Variants in COG3 observed in about 807,000 individuals in gnomAD.
The protein encoded by COG3 is conserved oligomeric Golgi complex subunit 3.
In COG3, 32 loss-of-function variants were observed where a neutral mutation model predicts 114.1. That is an observed-to-expected ratio of 0.28 (90% CI 0.21 to 0.38). The LOEUF is 0.38. Ranked by LOEUF, COG3 falls within the 10% of genes least tolerant of loss-of-function variation. The pLI is 1.00. For synonymous variants in COG3, 352 were observed against 365.7 expected (o/e 0.96, Z 0.43); for missense variants, 813 against 973.2 (o/e 0.84, Z 2.19).
At chr13:45,503,385 A>G (rs1165989822) in intron 14 of COG3, 36 bp downstream of exon 14, 1 of 1,148,728 alleles carries the variant, frequency 8.7e-7, no homozygotes, top group Non-Finnish European at 1.3e-6. Flanking sequence ...GCATTTATTC[A>G]TTTGGGTTAA....
At chr13:45,496,030 TCA>T in intron 12 of COG3, 120 bp from the exon 13 acceptor site, 1 of 818,284 alleles carries the variant, frequency 1.2e-6, no homozygotes, top group East Asian at 2.8e-5. Context: ...TAGAATACAA[TCA>T]CAGCCTCTGA....
rs1352468701 is a variant in COG3, at chr13:45,508,403, T to TATAC, written c.1595-1288_1595-1287insTACA. 7.0e-3 allele frequency among the ~76,000 whole-genome samples: 925 copies of TATAC among 132,980 alleles called. 6 individuals are homozygous for TATAC. The highest frequency in any genetic ancestry group is 0.013 in the Admixed American group (181 of 13,922). 87.2% of individuals were successfully genotyped at this position (132,980 alleles called of 152,430 possible). ...ATATATTTTTATATATATATATATA[T>TATAC]ACACACACACACACACACACACATA... On this transcript the variant is annotated intron_variant, in intron 14 of 22. Coordinates refer to ENST00000349995, the MANE Select transcript of COG3 (RefSeq NM_031431.4).
In COG3 at chr13:45,530,738, C is replaced by G. The variant is rs765952388; in HGVS notation, c.2415C>G (p.Ser805Arg). The change falls in exon 22 of 23, where the codon AGC (serine) becomes AGG (arginine). Residue 805 changes from serine (S) to arginine (R), a missense_variant. Transcript: ENST00000349995. ...KFHALLKEEFSPEDIQIIACP... is the reference protein window; with the variant it reads ...KFHALLKEEFRPEDIQIIACP... The stretch of plus-strand genomic sequence containing the variant: ...ACGCTCTGTTAAAGGAAGAGTTCAG[C>G]CCTGAAGACATCCAGATCATTGCCT... 6.2e-7 allele frequency: 1 copy of G among 1,613,254 alleles called. No homozygotes were observed. The highest frequency in any genetic ancestry group is 1.1e-5 in the South Asian group (1 of 91,050).
intron 22 of COG3, among the ~76,000 whole-genome samples, chr13:45,533,549 C>G (rs779199969): frequency 1.3e-5 from 2 of 152,190 alleles, no homozygotes; most frequent in African/African-American, 2.4e-5. Flanking sequence ...AGGAAATTCT[C>G]TCACTACTCC....
intron 20 of COG3, among the ~76,000 whole-genome samples, chr13:45,526,758 T>C (rs1242269086): frequency 6.6e-6 from 1 of 152,220 alleles, no homozygotes; most frequent in Non-Finnish European, 1.5e-5. Flanking sequence ...AATACAGTAG[T>C]ACATTCTGTC....
Position 45,480,209 on chromosome 13 carries a change from G to A in COG3, c.468G>A (p.Glu156=). The A allele has an allele frequency of 6.2e-7, 1 of 1,613,706 alleles. No individual in the cohort carries two copies. Among genetic ancestry groups the A allele is most frequent in the Non-Finnish European group, 8.5e-7 (1 of 1,179,638 alleles). Residue 156 remains glutamate (E), a synonymous_variant, in exon 4 of 23, where the codon GAG becomes GAA. Coordinates refer to ENST00000349995, the MANE Select transcript of COG3 (RefSeq NM_031431.4). ...TAAACAGTGCTCTTCAGCATCTGGA[G>A]TCTTTGCAGAAACAGTATCTTTTTG... ...NDVNSALQHL[E]SLQKQYLFVS...
rs191261685 is a variant in COG3, at chr13:45,473,965, A to G, written c.175-2236A>G. Among the ~76,000 whole-genome samples, 157 of 152,318 alleles carry G rather than the reference A, an allele frequency of 1.0e-3. 1 individual carries two copies. Among genetic ancestry groups the G allele is most frequent in the African/African-American group, 3.6e-3 (149 of 41,552 alleles). ...TCAGGGATTGTGTTACCATTCAGAA[A>G]GAGTTTACATGAACAAGTGATGCCC... is the stretch of plus-strand genomic sequence containing the variant. On this transcript the variant is annotated intron_variant, in intron 1 of 22. Coordinates refer to ENST00000349995, the MANE Select transcript of COG3 (RefSeq NM_031431.4).
intron 10 of COG3, 63 bp downstream of exon 10, chr13:45,491,601 GA>G (rs1420618512): frequency 4.8e-5 from 72 of 1,493,544 alleles, no homozygotes; most frequent in Non-Finnish European, 4.6e-5. Flanking sequence ...TGATATCCTA[GA>G]AACTATACCT....
chr13:45,507,295 A>G (rs1454861424), intron 14 of COG3, among the ~76,000 whole-genome samples: 1 of 152,214 alleles, frequency 6.6e-6, no homozygotes, highest in Non-Finnish European at 1.5e-5. Flanking sequence ...TCTTTGATGT[A>G]ATTTGTTTAT....
intron 14 of COG3, among the ~76,000 whole-genome samples, chr13:45,506,995 C>T (rs1455680557): frequency 2.0e-5 from 3 of 152,170 alleles, no homozygotes; most frequent in African/African-American, 4.8e-5. Flanking sequence ...CGGAGGCAGA[C>T]GTGCAGGAGG....
intron 22 of COG3, among the ~76,000 whole-genome samples, chr13:45,531,576 C>T (rs577127838): frequency 3.3e-4 from 49 of 149,708 alleles, no homozygotes; most frequent in African/African-American, 1.0e-3. Flanking sequence ...GGTGTGATCT[C>T]GGCTCACTGC....
chr13:45,534,774 A>C lies in COG3; in HGVS notation c.*43A>C. The C allele has an allele frequency of 6.5e-7, 1 of 1,539,804 alleles. No homozygotes were observed. The highest frequency in any genetic ancestry group is 8.7e-7 in the Non-Finnish European group (1 of 1,143,006). On this transcript the variant is annotated 3_prime_UTR_variant, in exon 23 of 23. Coordinates refer to ENST00000349995, the MANE Select transcript of COG3 (RefSeq NM_031431.4). ...TGCACCTAAATGTCTGTCTGGGAGG[A>C]GCAGGCTGAGAAGTCTTGCAGTCTG... is the stretch of plus-strand genomic sequence containing the variant.
chr13:45,529,108 T>G (rs1473584941), intron 20 of COG3, among the ~76,000 whole-genome samples: 3 of 152,186 alleles, frequency 2.0e-5, no homozygotes, highest in Non-Finnish European at 4.4e-5. Flanking sequence ...CTGCTTTCAT[T>G]TACATTTATT....
rs778556780 is a variant in COG3, at chr13:45,509,792, C to T, written c.1695C>T (p.Leu565=). ...YPTVRRTLVC[L]SKLYRCIDRA... ...CGGTTCGAAGAACTCTTGTCTGTCTCTCCAAATTATACAGATGCATAGATG... is the reference window on the plus strand; with the variant it reads ...CGGTTCGAAGAACTCTTGTCTGTCTTTCCAAATTATACAGATGCATAGATG... Residue 565 remains leucine (L), a synonymous_variant, in exon 15 of 23, where the codon CTC becomes CTT. Coordinates refer to ENST00000349995, the MANE Select transcript of COG3 (RefSeq NM_031431.4). The T allele has an allele frequency of 5.6e-6, 9 of 1,613,456 alleles. No individual in the cohort carries two copies. The highest frequency in any genetic ancestry group is 7.6e-6 in the Non-Finnish European group (9 of 1,179,558).
At chr13:45,524,934 T>C (rs369122917) in intron 19 of COG3, 42 bp from the exon 20 acceptor site, 7 of 1,497,794 alleles carry the variant, frequency 4.7e-6, no homozygotes, top group Non-Finnish European at 4.6e-6. Flanking sequence ...TAATTTGTCA[T>C]TGATGAAATG....
chr13:45,491,359 A>C, intron 9 of COG3, 53 bp from the exon 10 acceptor site: 1 of 1,568,362 alleles, frequency 6.4e-7, no homozygotes, highest in South Asian at 1.2e-5. Context: ...TTAAGATGAA[A>C]TTTAGTTTAC....
At chr13:45,518,628 A>G (rs1028222557) in intron 17 of COG3, 134 bp from the exon 18 acceptor site, 12 of 639,060 alleles carry the variant, frequency 1.9e-5, no homozygotes, top group Non-Finnish European at 3.3e-5. Context: ...TCTCACTCTC[A>G]GCCTTTCATG....
intron 13 of COG3, among the ~76,000 whole-genome samples, chr13:45,501,360 T>C (rs1433085349): frequency 1.3e-5 from 2 of 152,264 alleles, no homozygotes; most frequent in Non-Finnish European, 2.9e-5. Context: ...GTTGATTCAA[T>C]CACTTACTGA....
chr13:45,504,285 G>C (rs3014961), intron 14 of COG3, among the ~76,000 whole-genome samples: 108,191 of 152,136 alleles, frequency 0.71, 40,200 homozygotes, highest in Middle Eastern at 0.82. Context: ...ATCTGACAAA[G>C]TCATTTTATC....
Sources: allele counts gnomAD v4.1 joint callset (sites outside exome capture counted in the v4.1 genomes callset), GRCh38; gene constraint gnomAD v4.1.1; transcripts MANE v1.5; gene names NCBI Gene and HGNC (gene_info 2026-07-23, HGNC 2026-07-21).